SNTB1: variants seen among roughly 807,000 people sequenced by gnomAD.
SNTB1 encodes beta-1-syntrophin.
In SNTB1, 36 loss-of-function variants were observed where a neutral mutation model predicts 48.9. The observed-to-expected ratio is 0.74, with a 90% CI of 0.56 to 0.97. The LOEUF is 0.97. Among genes scored for constraint, SNTB1 ranks in the 50% least tolerant of loss-of-function variants. The pLI is 0.00. For missense variants in SNTB1, 786 were observed against 703.4 expected (o/e 1.12, Z -1.33); for synonymous variants, 299 against 294.6 (o/e 1.01, Z -0.15).
chr8:120,758,828 T>G (rs1819361984), intron 1 of SNTB1, among the ~76,000 whole-genome samples: 1 of 152,166 alleles, frequency 6.6e-6, no homozygotes, highest in African/African-American at 2.4e-5. Flanking sequence ...AGGGAAGTTG[T>G]GATTAATTAA....
chr8:120,652,934 T>C (rs1182549614), intron 2 of SNTB1, among the ~76,000 whole-genome samples: 1 of 152,158 alleles, frequency 6.6e-6, no homozygotes, highest in Non-Finnish European at 1.5e-5. Flanking sequence ...GCATGCATAT[T>C]GAAACAGAAA....
chr8:120,789,619 CA>C (rs1218288583), intron 1 of SNTB1, among the ~76,000 whole-genome samples: 3 of 151,814 alleles, frequency 2.0e-5, no homozygotes, highest in Admixed American at 6.6e-5. Context: ...TGCACACAAA[CA>C]AAAAAATCTA....
chr8:120,806,113 A>C (rs1820330661), intron 1 of SNTB1, among the ~76,000 whole-genome samples: 1 of 152,238 alleles, frequency 6.6e-6, no homozygotes, highest in Non-Finnish European at 1.5e-5. Context: ...ACGAGGCAGA[A>C]TTAGCATTCT....
chr8:120,809,506 A>G (rs966610410), intron 1 of SNTB1, among the ~76,000 whole-genome samples: 2 of 152,074 alleles, frequency 1.3e-5, no homozygotes, highest in Non-Finnish European at 2.9e-5. Flanking sequence ...TTTGGGTGAG[A>G]GATATTTTTT....
At chr8:120,759,635 C>A (rs1341004279) in intron 1 of SNTB1, among the ~76,000 whole-genome samples, 1 of 152,164 alleles carries the variant, frequency 6.6e-6, no homozygotes, top group Non-Finnish European at 1.5e-5. Flanking sequence ...GCCTGGCACT[C>A]CTAAAAAGAT....
At position 120,707,498 on chromosome 8, in the gene SNTB1, C is replaced by G. The variant is rs571846303; in HGVS notation, c.572-13590G>C. ...TCAGAGTCAGAAGAATAAAACCTCACAAGATTTAAGGCTAAACCTCTAGAA... is the reference window on the plus strand; with the variant it reads ...TCAGAGTCAGAAGAATAAAACCTCAGAAGATTTAAGGCTAAACCTCTAGAA... On this transcript the variant is annotated intron_variant, in intron 1 of 6. Coordinates refer to ENST00000517992, the MANE Select transcript of SNTB1 (RefSeq NM_021021.4). 4.6e-5 allele frequency among the ~76,000 whole-genome samples: 7 copies of G among 152,230 alleles called. 1 individual carries two copies. The South Asian group carries it at 1.5e-3, about 32-fold the overall frequency.
chr8:120,789,668 G>A (rs775312308), intron 1 of SNTB1, among the ~76,000 whole-genome samples: 5 of 151,606 alleles, frequency 3.3e-5, no homozygotes, highest in African/African-American at 7.2e-5. Context: ...TATAACCCCC[G>A]ACCTTGCTTG....
chr8:120,547,592 C>CAAAAAAAAAAAAAAAAAAAAAAAAAAA (rs11289979), intron 5 of SNTB1, among the ~76,000 whole-genome samples: 1 of 89,070 alleles, frequency 1.1e-5, no homozygotes, highest in Non-Finnish European at 2.1e-5. Flanking sequence ...AACACTGTCT[C>CAAAAAAAAAAAAAAAAAAAAAAAAAAA]AAAAAAAAAA....
At chr8:120,550,811 AAAGGGAGT>A (rs1302767816) in intron 4 of SNTB1, among the ~76,000 whole-genome samples, 1 of 152,244 alleles carries the variant, frequency 6.6e-6, no homozygotes, top group Admixed American at 6.5e-5. Flanking sequence ...CATAGGCTTT[AAAGGGAGT>A]AAGGGTAAGG....
At chr8:120,564,491 T>A (rs1375056465) in intron 4 of SNTB1, among the ~76,000 whole-genome samples, 1 of 152,158 alleles carries the variant, frequency 6.6e-6, no homozygotes, top group East Asian at 1.9e-4. Flanking sequence ...CAGTCTATAG[T>A]ATTTTGTTAT....
At chr8:120,689,733 G>A (rs1242672843) in intron 2 of SNTB1, among the ~76,000 whole-genome samples, 2 of 152,058 alleles carry the variant, frequency 1.3e-5, no homozygotes, top group African/African-American at 4.8e-5. Context: ...TTTACAGAGA[G>A]CTTTAAAAAA....
chr8:120,749,356 A>G (rs148374472), intron 1 of SNTB1, among the ~76,000 whole-genome samples: 23 of 152,306 alleles, frequency 1.5e-4, no homozygotes, highest in African/African-American at 5.1e-4. Flanking sequence ...CCAAGGCTAA[A>G]TCTTAAATTA....
At chr8:120,743,130 T>C (rs993803370) in intron 1 of SNTB1, among the ~76,000 whole-genome samples, 29 of 152,318 alleles carry the variant, frequency 1.9e-4, no homozygotes, top group Non-Finnish European at 3.5e-4. Context: ...GTGACTGTAC[T>C]ATAGAACAGA....
At chr8:120,656,394 A>C (rs532365890) in intron 2 of SNTB1, among the ~76,000 whole-genome samples, 2 of 152,334 alleles carry the variant, frequency 1.3e-5, no homozygotes, top group Non-Finnish European at 2.9e-5. Flanking sequence ...TATGTGGAGA[A>C]TTTCAGCACT....
At chr8:120,620,449 G>A (rs974296222) in intron 3 of SNTB1, among the ~76,000 whole-genome samples, 2 of 152,116 alleles carry the variant, frequency 1.3e-5, no homozygotes, top group Non-Finnish European at 2.9e-5. Context: ...AGGTCTCCAT[G>A]CAAAGCCCCT....
chr8:120,697,048 T>C (rs556337115), intron 1 of SNTB1, among the ~76,000 whole-genome samples: 1 of 152,330 alleles, frequency 6.6e-6, no homozygotes, highest in African/African-American at 2.4e-5. Context: ...TCCAGGGCCA[T>C]AGGGGTTAAT....
At chr8:120,759,460 T>C (rs72682553) in intron 1 of SNTB1, among the ~76,000 whole-genome samples, 2 of 152,330 alleles carry the variant, frequency 1.3e-5, no homozygotes, top group Non-Finnish European at 2.9e-5. Context: ...TAAATTAGCA[T>C]ACTTCTTGAT....
At chr8:120,544,670 T>C (rs1815347081) in intron 5 of SNTB1, among the ~76,000 whole-genome samples, 1 of 152,236 alleles carries the variant, frequency 6.6e-6, no homozygotes, top group Non-Finnish European at 1.5e-5. Flanking sequence ...ATCTTCATTC[T>C]TTCCTACAAC....
At chr8:120,588,830 C>G (rs535905498) in intron 3 of SNTB1, among the ~76,000 whole-genome samples, 12 of 152,282 alleles carry the variant, frequency 7.9e-5, no homozygotes, top group South Asian at 2.1e-4. Flanking sequence ...AATTCAGAAG[C>G]CTGCTCCTCC....
Sources: allele counts gnomAD v4.1 joint callset (sites outside exome capture counted in the v4.1 genomes callset), GRCh38; gene constraint gnomAD v4.1.1; transcripts MANE v1.5; gene names NCBI Gene and HGNC (gene_info 2026-07-23, HGNC 2026-07-21).